CSMD3: variants seen among roughly 807,000 people sequenced by gnomAD.
The protein encoded by CSMD3 is CUB and Sushi multiple domains 3.
A neutral mutation model predicts 435.2 loss-of-function variants in CSMD3; 177 were observed. The ratio of observed to expected loss-of-function variants is 0.41; its 90% CI spans 0.36 to 0.46. The LOEUF is 0.46. Ranked by LOEUF, CSMD3 falls within the 20% of genes least tolerant of loss-of-function variation. CSMD3 has a pLI of 0.34. For missense variants in CSMD3, 4,265 were observed against 4,504.6 expected (o/e 0.95, Z 1.52); for synonymous variants, 1,656 against 1,520.5 (o/e 1.09, Z -2.07).
At chr8:113,215,744 A>G (rs1466855195) in intron 3 of CSMD3, among the ~76,000 whole-genome samples, 1 of 151,888 alleles carries the variant, frequency 6.6e-6, no homozygotes, top group African/African-American at 2.4e-5. Flanking sequence ...CTTCTGTATT[A>G]CACATTTTTG....
intron 32 of CSMD3, among the ~76,000 whole-genome samples, chr8:112,437,477 A>T (rs577314721): frequency 6.6e-6 from 1 of 152,212 alleles, no homozygotes; most frequent in South Asian, 2.1e-4. Flanking sequence ...CACTAAATGG[A>T]TGAACTAAGG....
chr8:112,332,356 T>C (rs1220902466), intron 45 of CSMD3, among the ~76,000 whole-genome samples: 1 of 152,070 alleles, frequency 6.6e-6, no homozygotes, highest in Non-Finnish European at 1.5e-5. Flanking sequence ...GAAGATGAGT[T>C]AAGAAACCAA....
Position 113,335,537 on chromosome 8 carries a change from C to CTTTT in CSMD3, c.179-20748_179-20745dup, listed in dbSNP as rs1222360431. 3.1e-3 allele frequency among the ~76,000 whole-genome samples: 92 copies of CTTTT among 29,726 alleles called. 13 individuals carry two copies. The highest frequency in any genetic ancestry group is 0.01 in the South Asian group (6 of 600). The allele number at this position is 29,726 out of a possible 152,430, so 19.5% of individuals were successfully genotyped here. A position where few individuals can be genotyped will look rare whatever the true frequency, so the allele number is the denominator to read the frequency against. On this transcript the variant is annotated intron_variant, in intron 1 of 70. Coordinates refer to ENST00000297405, the MANE Select transcript of CSMD3 (RefSeq NM_198123.2). ...TCTGGATTTAGCTCTCCTCCTCCTT[C>CTTTT]TTTTTTTTTTTTTTTTTTTTTTTTT...
rs150081819 is a variant in CSMD3 at position 112,984,161 on chromosome 8, A to C, written c.1031-8013T>G. ...CAAATATATTATATATGAATATTAT[A>C]TATGGGGTATTACATATAATTATAT... On this transcript the variant is annotated intron_variant, in intron 6 of 70. Transcript: ENST00000297405. Among the ~76,000 whole-genome samples the C allele has an allele frequency of 6.8e-3, 1,027 of 152,056 alleles. 6 individuals are homozygous for C. The highest frequency in any genetic ancestry group is 0.026 in the South Asian group (125 of 4,830).
At chr8:112,371,862 C>G (rs1828428424) in intron 38 of CSMD3, among the ~76,000 whole-genome samples, 1 of 151,752 alleles carries the variant, frequency 6.6e-6, no homozygotes, top group South Asian at 2.1e-4. Context: ...TGCACTCCAG[C>G]CTGAGCGACA....
intron 2 of CSMD3, among the ~76,000 whole-genome samples, chr8:113,282,464 G>T (rs2093619846): frequency 6.6e-6 from 1 of 151,788 alleles, no homozygotes; most frequent in African/African-American, 2.4e-5. Flanking sequence ...ATCAAATCAA[G>T]AACTCAAACC....
intron 10 of CSMD3, among the ~76,000 whole-genome samples, chr8:112,908,187 C>T (rs2082313482): frequency 1.3e-5 from 2 of 151,322 alleles, no homozygotes; most frequent in African/African-American, 4.8e-5. Flanking sequence ...TTTCATATTC[C>T]TAAATCTTTT....
chr8:113,010,139 A>G lies in CSMD3; in HGVS notation c.1030+8928T>C, dbSNP rs1403178593. Among the ~76,000 whole-genome samples the G allele has an allele frequency of 2.0e-5, 3 of 151,666 alleles. No homozygotes were observed. In the East Asian group the frequency reaches 5.8e-4, roughly 29 times the overall value. ...CTCAGAAAAGGTGTCTTGGAGTACA[A>G]GGTGGACCGCCCACCTTGTGCACAG... On this transcript the variant is annotated intron_variant, in intron 6 of 70. Transcript: ENST00000297405.
At chr8:113,103,630 T>A (rs1222773951) in intron 4 of CSMD3, among the ~76,000 whole-genome samples, 1 of 152,080 alleles carries the variant, frequency 6.6e-6, no homozygotes, top group Non-Finnish European at 1.5e-5. Context: ...AATTAAAAAC[T>A]ATGGCTGTTA....
At chr8:112,583,364 A>C (rs1394573401) in intron 23 of CSMD3, among the ~76,000 whole-genome samples, 1 of 151,906 alleles carries the variant, frequency 6.6e-6, no homozygotes, top group Non-Finnish European at 1.5e-5. Flanking sequence ...TTAGATAGAA[A>C]CTGGATCTTA....
rs577644312 is a variant in CSMD3, at chr8:112,443,025, T to C, written c.5395+29566A>G. 6.6e-5 allele frequency among the ~76,000 whole-genome samples: 10 copies of C among 152,342 alleles called. No individual in the cohort carries two copies. In the South Asian group the frequency reaches 2.1e-3, roughly 32 times the overall value. On this transcript the variant is annotated intron_variant, in intron 32 of 70. Coordinates refer to ENST00000297405, the MANE Select transcript of CSMD3 (RefSeq NM_198123.2). ...TGTACTTTCTTAGTCTCTATCCTAA[T>C]AATATAATCCCCTTTTTCCTTTTTC... is the stretch of plus-strand genomic sequence containing the variant.
intron 1 of CSMD3, among the ~76,000 whole-genome samples, chr8:113,403,061 A>G (rs943570259): frequency 6.6e-6 from 1 of 151,302 alleles, no homozygotes; most frequent in African/African-American, 2.4e-5. Flanking sequence ...CTCTGACAAA[A>G]CTATCTTTAG....
At chr8:112,314,162 C>A (rs1004000485) in intron 48 of CSMD3, 110 bp from the exon 49 acceptor site, 107 of 812,296 alleles carry the variant, frequency 1.3e-4, no homozygotes, top group Admixed American at 3.1e-4. Context: ...GCTTCACCAC[C>A]AATCTACCTC....
intron 1 of CSMD3, among the ~76,000 whole-genome samples, chr8:113,319,391 T>G (rs111433383): frequency 6.6e-6 from 1 of 152,044 alleles, no homozygotes; most frequent in Non-Finnish European, 1.5e-5. Context: ...TTTTGCCCAT[T>G]TTTAAAATCA....
chr8:113,272,753 G>A (rs900453248), intron 3 of CSMD3, among the ~76,000 whole-genome samples: 7 of 151,906 alleles, frequency 4.6e-5, no homozygotes, highest in Non-Finnish European at 7.4e-5. Context: ...TATCTAATAC[G>A]GAACATATTT....
At chr8:113,146,015 T>G (rs1390649085) in intron 4 of CSMD3, among the ~76,000 whole-genome samples, 2 of 151,660 alleles carry the variant, frequency 1.3e-5, no homozygotes, top group African/African-American at 4.8e-5. Flanking sequence ...GACCAAATAT[T>G]TTATGAGGAG....
At chr8:112,333,229 G>A (rs961244781) in intron 45 of CSMD3, among the ~76,000 whole-genome samples, 6 of 152,118 alleles carry the variant, frequency 3.9e-5, no homozygotes, top group African/African-American at 1.2e-4. Context: ...GTGCAATGGC[G>A]CCATCTCGGC....
chr8:112,341,765 C>A, intron 41 of CSMD3, 79 bp from the exon 42 acceptor site: 2 of 896,016 alleles, frequency 2.2e-6, no homozygotes, highest in Non-Finnish European at 3.6e-6. Flanking sequence ...ACAATCACAT[C>A]AATGTACTTA....
At chr8:113,110,551 C>T (rs1366256105) in intron 4 of CSMD3, among the ~76,000 whole-genome samples, 1 of 152,160 alleles carries the variant, frequency 6.6e-6, no homozygotes, top group Non-Finnish European at 1.5e-5. Flanking sequence ...ATCAGAATCG[C>T]TTTTACCATC....
Sources: gnomAD v4.1 joint callset for allele counts (sites outside exome capture counted in the v4.1 genomes callset) on GRCh38, gnomAD v4.1.1 for gene constraint, MANE v1.5 for transcripts, NCBI Gene and HGNC (gene_info 2026-07-23, HGNC 2026-07-21) for gene names.